The following BRPF1 variants were observed in gnomAD, a reference collection of about 807,000 sequenced individuals.
BRPF1 encodes the protein peregrin.
A neutral mutation model predicts 115.0 loss-of-function variants in BRPF1; 15 were observed. That is an observed-to-expected ratio of 0.13 (90% CI 0.09 to 0.20). BRPF1 has a LOEUF of 0.20. Ranked by LOEUF, BRPF1 falls within the 10% of genes least tolerant of loss-of-function variation. BRPF1 has a pLI of 1.00. For synonymous variants in BRPF1, 647 were observed against 619.8 expected (o/e 1.04, Z -0.65); for missense variants, 1,118 against 1,638.3 (o/e 0.68, Z 5.48).
Position 9,747,080 on chromosome 3 carries a change from GGGT to G in BRPF1, c.3480-81_3480-79del, listed in dbSNP as rs758216047. 181 of 1,469,572 alleles carry G rather than the reference GGGT, an allele frequency of 1.2e-4. No homozygotes were observed. The highest frequency in any genetic ancestry group is 1.7e-4 in the Non-Finnish European group (176 of 1,063,016). The allele number at this position is 1,469,572 out of a possible 1,614,324, so 91.0% of individuals were successfully genotyped here. On this transcript the variant is annotated intron_variant, in intron 13 of 13. Coordinates refer to ENST00000383829, the MANE Select transcript of BRPF1 (RefSeq NM_001003694.2). This position sits in a 1 kb window ranked among gnomAD's most constrained non-coding sequence, Gnocchi z 5.6. ...CAGAGTCTGGCCAGAGTGGGTGCTTGGGTGGTGTGTTTGAGTGAATAGAGGAGG... is the reference window on the plus strand; with the variant it reads ...CAGAGTCTGGCCAGAGTGGGTGCTTGGGTGTGTTTGAGTGAATAGAGGAGG...
At position 9,746,470 on chromosome 3, in the gene BRPF1, T is replaced by G; in HGVS notation, c.3479+16T>G. 6.4e-7 allele frequency: 1 copy of G among 1,551,220 alleles called. No homozygotes were observed. ...AACGAACCTGGTAAGGAGGGGAGCATTTGGTGTGACTCACAGCCACAGATG... is the reference window on the plus strand; with the variant it reads ...AACGAACCTGGTAAGGAGGGGAGCAGTTGGTGTGACTCACAGCCACAGATG... On this transcript the variant is annotated intron_variant, in intron 13 of 13. Coordinates refer to ENST00000383829, the MANE Select transcript of BRPF1 (RefSeq NM_001003694.2).
rs756091828 is a variant in BRPF1, at chr3:9,745,020, A to G, written c.2933A>G (p.Asn978Ser). The change falls in exon 10 of 14, where the codon AAT (asparagine) becomes AGT (serine). Residue 978 changes from asparagine to serine, a missense_variant. Asn to Ser is a conservative substitution (Grantham distance 46, BLOSUM62 1). Transcript: ENST00000383829. This position sits in a 1 kb window ranked among gnomAD's most constrained non-coding sequence, Gnocchi z 5.1. ...TEDPPMDLPA[N>S]GFSGGNQPVK... The stretch of plus-strand genomic sequence containing the variant: ...CCCTTCAACCAAGACTTACCAGCCA[A>G]TGGCTTCAGCGGTGGAAACCAACCA... The G allele has an allele frequency of 6.2e-5, 100 of 1,614,074 alleles. 1 individual carries two copies. The Middle Eastern group carries it at 6.6e-4, about 11-fold the overall frequency.
intron 6 of BRPF1, chr3:9,742,542 G>A (rs2077048823): frequency 4.1e-6 from 4 of 985,282 alleles, no homozygotes; most frequent in African/African-American, 1.7e-5. Flanking sequence ...TCTCTAAAAG[G>A]TATAAAATGA....
In BRPF1 at chr3:9,745,114, C is replaced by A. The variant is rs1361412850; in HGVS notation, c.3027C>A (p.Ser1009=). 6.2e-7 allele frequency: 1 copy of A among 1,614,216 alleles called. No individual in the cohort carries two copies. The highest frequency in any genetic ancestry group is 1.7e-5 in the Admixed American group (1 of 60,020). ...CCCGGAGCAGCTCAGACTCTGAGTC[C>A]AGCAGCAGTAGCAGTAGCAGCGCTG... ...SLPRSSSDSE[S]SSSSSSSAAS... is the part of the protein sequence containing the mutation. Residue 1009 remains serine (S), a synonymous_variant, in exon 10 of 14, where the codon TCC becomes TCA. Coordinates refer to ENST00000383829, the MANE Select transcript of BRPF1 (RefSeq NM_001003694.2). The surrounding 1 kb of genome is among the most constrained non-coding windows in gnomAD (Gnocchi z 5.1).
At position 9,747,129 on chromosome 3, in the gene BRPF1, C is replaced by A; in HGVS notation, c.3480-37C>A. 1 of 1,610,854 alleles carries A rather than the reference C, an allele frequency of 6.2e-7. No homozygotes were observed. Among genetic ancestry groups the A allele is most frequent in the Non-Finnish European group, 8.5e-7 (1 of 1,177,616 alleles). ...GGAGGAAGGCTGGTCCTTGTTCTCC[C>A]TGAGATGATTTATTTGATCTTCACC... On this transcript the variant is annotated intron_variant, in intron 13 of 13. Coordinates refer to ENST00000383829, the MANE Select transcript of BRPF1 (RefSeq NM_001003694.2). This position sits in a 1 kb window ranked among gnomAD's most constrained non-coding sequence, Gnocchi z 5.6.
chr3:9,744,925 C>A, intron 9 of BRPF1, 83 bp from the exon 10 acceptor site: 1 of 1,585,978 alleles, frequency 6.3e-7, no homozygotes, highest in South Asian at 1.1e-5. Flanking sequence ...AACCCAAGCT[C>A]CAAGTCCCTC....
intron 2 of BRPF1, among the ~76,000 whole-genome samples, chr3:9,737,110 C>T (rs1345965744): frequency 6.6e-6 from 1 of 152,188 alleles, no homozygotes; most frequent in African/African-American, 2.4e-5. Context: ...AGGGAGGTTG[C>T]AGTCACCTTG....
At chr3:9,744,920 A>C (rs59520031) in intron 9 of BRPF1, 88 bp from the exon 10 acceptor site, 1 of 1,572,898 alleles carries the variant, frequency 6.4e-7, no homozygotes, top group African/African-American at 1.4e-5. Context: ...AGGGGAACCC[A>C]AGCTCCAAGT....
In BRPF1 at chr3:9,735,000, A is replaced by T. The variant is rs551563991; in HGVS notation, c.599+261A>T. ...CAGATGAGGAAACTATGGTCAAGAA[A>T]GGGTGCCAGATTTATCCTTTTTTTT... On this transcript the variant is annotated intron_variant, in intron 2 of 13. Transcript: ENST00000383829. This position sits in a 1 kb window ranked among gnomAD's most constrained non-coding sequence, Gnocchi z 5.7. 6.6e-6 allele frequency among the ~76,000 whole-genome samples: 1 copy of T among 150,658 alleles called. No individual in the cohort carries two copies. Among genetic ancestry groups the T allele is most frequent in the Non-Finnish European group, 1.5e-5 (1 of 67,826 alleles).
rs554147278 is a variant in BRPF1, at chr3:9,738,968, T to C, written c.600-31T>C. The C allele has an allele frequency of 2.6e-5, 40 of 1,521,898 alleles. 1 individual carries two copies. In the South Asian group the frequency reaches 4.7e-4, roughly 18 times the overall value. 94.3% of individuals were successfully genotyped at this position (1,521,898 alleles called of 1,614,324 possible). A position where few individuals can be genotyped will look rare whatever the true frequency, so the allele number is the denominator to read the frequency against. ...CTTTAAGGGAGGGAAATCTCAACCA[T>C]GTGATGCTGAGTTCCCTGTTTGTAC... On this transcript the variant is annotated intron_variant, in intron 2 of 13. Transcript: ENST00000383829.
At chr3:9,741,508 G>GC in intron 5 of BRPF1, 69 bp downstream of exon 5, 2 of 1,452,160 alleles carry the variant, frequency 1.4e-6, no homozygotes, top group South Asian at 2.8e-5. Context: ...ATGGTGGCAG[G>GC]CGCCTGTAGT....
rs1443184612 is a variant in BRPF1, at chr3:9,741,300, C to T, written c.1723-8C>T. 3 of 1,556,574 alleles carry T rather than the reference C, an allele frequency of 1.9e-6. No individual in the cohort carries two copies. Among genetic ancestry groups the T allele is most frequent in the Non-Finnish European group, 2.6e-6 (3 of 1,149,210 alleles). On this transcript the variant is annotated splice_polypyrimidine_tract_variant and splice_region_variant and intron_variant, in intron 4 of 13. Coordinates refer to ENST00000383829, the MANE Select transcript of BRPF1 (RefSeq NM_001003694.2). ...AATCATCCTCTGATCTTCGTTTTGC[C>T]TCTACAGAGAGATTCTGAGGATAAG...
At chr3:9,746,119 C>A (rs2077121540) in intron 12 of BRPF1, among the ~76,000 whole-genome samples, 181 bp from the exon 13 acceptor site, 1 of 152,192 alleles carries the variant, frequency 6.6e-6, no homozygotes, top group Admixed American at 6.5e-5. Flanking sequence ...CCTTTTGCTT[C>A]TCTTTGCTCC....
In BRPF1 at chr3:9,734,196, C is replaced by G. The variant is rs2076901158; in HGVS notation, c.56C>G (p.Pro19Arg). 1 of 1,613,364 alleles carries G rather than the reference C, an allele frequency of 6.2e-7. No individual in the cohort carries two copies. The change falls in exon 2 of 14, where the codon CCA (proline) becomes CGA (arginine). Residue 19 changes from proline (P) to arginine (R), a missense_variant. Around this residue, in one of 10 missense-constraint regions of BRPF1, gnomAD observed 280 missense variants for 382.8 expected, o/e 0.73. Transcript: ENST00000383829. The surrounding 1 kb of genome is among the most constrained non-coding windows in gnomAD (Gnocchi z 5.7). ...TGCCACAACTTGCGGGCGACTAAGC[C>G]ACCATACGAGTGCCCGGTGGAGACC... ...TFCHNLRATK[P>R]PYECPVETCR...
Position 9,747,178 on chromosome 3 carries a change from C to T in BRPF1, c.3492C>T (p.Pro1164=), listed in dbSNP as rs759226313. Residue 1164 remains proline, a synonymous_variant, in exon 14 of 14, where the codon CCC becomes CCT. Transcript: ENST00000383829. The surrounding 1 kb of genome is among the most constrained non-coding windows in gnomAD (Gnocchi z 5.6). ...FDNKRTWQWL[P]RTKLVPLGVN... ...CCTTATCCTATAGGCAGTGGCTGCC[C>T]AGGACCAAGCTGGTTCCTCTGGGTG... 1.2e-6 allele frequency: 2 copies of T among 1,614,108 alleles called. No individual in the cohort carries two copies. Among genetic ancestry groups the T allele is most frequent in the South Asian group, 2.2e-5 (2 of 91,088 alleles).
chr3:9,743,205 A>G lies in BRPF1; in HGVS notation c.2263A>G (p.Ile755Val), dbSNP rs144965656. 3.7e-6 allele frequency: 6 copies of G among 1,614,082 alleles called. No homozygotes were observed. The highest frequency in any genetic ancestry group is 5.1e-6 in the Non-Finnish European group (6 of 1,180,038). The change falls in exon 7 of 14, where the codon ATC (isoleucine) becomes GTC (valine). Residue 755 changes from isoleucine to valine, a missense_variant. Around this residue, in one of 10 missense-constraint regions of BRPF1, gnomAD observed 223 missense variants for 240.7 expected, o/e 0.93. Transcript: ENST00000383829. The surrounding 1 kb of genome is among the most constrained non-coding windows in gnomAD (Gnocchi z 6.1). ...MGIDFETGMH[I>V]PHSLAGDEAT... ...CATTGACTTTGAGACGGGCATGCAT[A>G]TCCCCCACAGCCTGGCTGGAGATGA... is the stretch of plus-strand genomic sequence containing the variant.
chr3:9,732,288 C>T (rs111407399), intron 1 of BRPF1, 150 bp downstream of exon 1: 1 of 152,372 alleles, frequency 6.6e-6, no homozygotes, highest in Non-Finnish European at 1.5e-5. Context: ...CAGCAGGCAT[C>T]CTGGGGCAAC....
At chr3:9,739,990 G>T in intron 3 of BRPF1, 32 bp downstream of exon 3, 1 of 1,523,704 alleles carries the variant, frequency 6.6e-7, no homozygotes, top group Non-Finnish European at 8.8e-7. Flanking sequence ...AGGCAGATGA[G>T]GGAGAAAGGA....
Position 9,745,019 on chromosome 3 carries a change from A to G in BRPF1, c.2932A>G (p.Asn978Asp). The change falls in exon 10 of 14, where the codon AAT becomes GAT. Residue 978 changes from asparagine (N) to aspartate (D), a missense_variant. Coordinates refer to ENST00000383829, the MANE Select transcript of BRPF1 (RefSeq NM_001003694.2). This position sits in a 1 kb window ranked among gnomAD's most constrained non-coding sequence, Gnocchi z 5.1. ...TCCCTTCAACCAAGACTTACCAGCCAATGGCTTCAGCGGTGGAAACCAACC... is the reference window on the plus strand; with the variant it reads ...TCCCTTCAACCAAGACTTACCAGCCGATGGCTTCAGCGGTGGAAACCAACC... ...TEDPPMDLPA[N>D]GFSGGNQPVK... is the part of the protein sequence containing the mutation. 6.2e-7 allele frequency: 1 copy of G among 1,614,208 alleles called. No homozygotes were observed. The highest frequency in any genetic ancestry group is 8.5e-7 in the Non-Finnish European group (1 of 1,180,024).
Sources: gnomAD v4.1 joint callset for allele counts (sites outside exome capture counted in the v4.1 genomes callset) on GRCh38, gnomAD v4.1.1 for gene constraint, gnomAD v4.1.1 regional missense constraint, Gnocchi (gnomAD v3.1) non-coding constraint, MANE v1.5 for transcripts, NCBI Gene and HGNC (gene_info 2026-07-23, HGNC 2026-07-21) for gene names.